CASP6: variants seen among roughly 807,000 people sequenced by gnomAD.
CASP6 encodes caspase 6, also known as caspase-6.
A neutral mutation model predicts 31.8 loss-of-function variants in CASP6; 20 were observed. The ratio of observed to expected loss-of-function variants is 0.63; its 90% CI spans 0.44 to 0.91. CASP6 has a LOEUF of 0.91. Ranked by LOEUF, CASP6 falls within the 40% of genes least tolerant of loss-of-function variation. The pLI is 0.00. For synonymous variants in CASP6, 130 were observed against 127.8 expected (o/e 1.02, Z -0.12); for missense variants, 328 against 361.1 (o/e 0.91, Z 0.74).
At chr4:109,696,339 T>C in intron 4 of CASP6, 71 bp downstream of exon 4, 2 of 1,100,592 alleles carry the variant, frequency 1.8e-6, no homozygotes, top group African/African-American at 3.1e-5. Context: ...CTTGTACCTG[T>C]CTTTACAGAT....
chr4:109,689,664 CCTTAGAAGAGT>C, intron 6 of CASP6, 96 bp from the exon 7 acceptor site: 1 of 1,147,800 alleles, frequency 8.7e-7, no homozygotes, highest in East Asian at 2.4e-5. Context: ...TCTTAAAAAT[CCTTAGAAGAGT>C]CTTAAGATGT....
upstream of CASP6, chr4:109,703,685 G>A (rs1322019059): frequency 8.0e-6 from 4 of 499,240 alleles, no homozygotes; most frequent in Non-Finnish European, 1.1e-5. Flanking sequence ...GTGCCCTGGG[G>A]ACATGCCAGT....
chr4:109,680,668 G>C, the CASP6 span, among the ~76,000 whole-genome samples: 28 of 152,136 alleles, frequency 1.8e-4, 1 homozygote, highest in East Asian at 1.2e-3. Flanking sequence ...ACTATGGAAG[G>C]GGGTAAAGAC....
the CASP6 span, among the ~76,000 whole-genome samples, chr4:109,664,868 T>C: frequency 2.0e-5 from 3 of 152,088 alleles, no homozygotes; most frequent in African/African-American, 7.2e-5. Flanking sequence ...TTAACCGACA[T>C]TATTGGGTTA....
rs1174971935 is a variant in CASP6, at chr4:109,696,980, G to GT, written c.231-495dup. On this transcript the variant is annotated intron_variant, in intron 3 of 6. Coordinates refer to ENST00000265164, the MANE Select transcript of CASP6 (RefSeq NM_001226.4). ...TTTTGTATTTTTTAGGAGAGACAGG[G>GT]TTTCACCATGTTAGCCAGGATGGTC... Among the ~76,000 whole-genome samples, 3 of 151,734 alleles carry GT rather than the reference G, an allele frequency of 2.0e-5. No individual in the cohort carries two copies. In the East Asian group the frequency reaches 5.8e-4, roughly 29 times the overall value.
At chr4:109,684,149 A>G (rs768268926), downstream of CASP6, among the ~76,000 whole-genome samples, 4 of 146,444 alleles carry the variant, frequency 2.7e-5, no homozygotes, top group Admixed American at 2.8e-4. Context: ...TGCAAGCTCC[A>G]CCTCCTGGGT....
At chr4:109,676,016 G>T in the CASP6 span, among the ~76,000 whole-genome samples, 2 of 152,186 alleles carry the variant, frequency 1.3e-5, no homozygotes, top group Admixed American at 1.3e-4. Context: ...CAGAAAATTG[G>T]TACCAGAAGT....
chr4:109,677,306 C>T, the CASP6 span, among the ~76,000 whole-genome samples: 1 of 152,110 alleles, frequency 6.6e-6, no homozygotes, highest in Non-Finnish European at 1.5e-5. Flanking sequence ...ATTTCAGACT[C>T]ACAGCTGGAG....
At chr4:109,686,283 C>T (rs1009517309), downstream of CASP6, among the ~76,000 whole-genome samples, 3 of 151,988 alleles carry the variant, frequency 2.0e-5, no homozygotes, top group African/African-American at 7.2e-5. Context: ...TGATTATAGG[C>T]GCCCGCCACC....
At chr4:109,680,272 A>G in the CASP6 span, among the ~76,000 whole-genome samples, 1 of 152,126 alleles carries the variant, frequency 6.6e-6, no homozygotes, top group East Asian at 1.9e-4. Context: ...TCTCTTCTGG[A>G]TAGGTACCAG....
chr4:109,681,840 C>T, the CASP6 span, among the ~76,000 whole-genome samples: 2 of 152,114 alleles, frequency 1.3e-5, no homozygotes, highest in East Asian at 1.9e-4. Flanking sequence ...AAGCTCAGCT[C>T]GAGCAGTAAC....
intron 5 of CASP6, among the ~76,000 whole-genome samples, chr4:109,692,883 T>C (rs184139316): frequency 1.5e-3 from 225 of 152,346 alleles, no homozygotes; most frequent in African/African-American, 5.2e-3. Flanking sequence ...TATGGTAGGA[T>C]GCGAAATGCA....
At chr4:109,680,107 G>T in the CASP6 span, among the ~76,000 whole-genome samples, 1 of 152,068 alleles carries the variant, frequency 6.6e-6, no homozygotes, top group African/African-American at 2.4e-5. Context: ...TGGCCTGAGG[G>T]TATAAATTTT....
chr4:109,702,651 A>G (rs1244183982), intron 1 of CASP6: 1 of 152,078 alleles, frequency 6.6e-6, no homozygotes, highest in African/African-American at 2.4e-5. Flanking sequence ...TGTTTGTTTC[A>G]CTCTGGCCAG....
intron 1 of CASP6, 97 bp downstream of exon 1, chr4:109,703,259 A>T: frequency 7.1e-7 from 1 of 1,402,828 alleles, no homozygotes; most frequent in Non-Finnish European, 9.8e-7. Flanking sequence ...CCGCGGCCCC[A>T]CTCCGGTCCG....
At chr4:109,696,171 C>A (rs557328896) in intron 4 of CASP6, among the ~76,000 whole-genome samples, 1 of 152,234 alleles carries the variant, frequency 6.6e-6, no homozygotes, top group South Asian at 2.1e-4. Context: ...TCATTCATTT[C>A]TACAAGAGAC....
chr4:109,703,625 G>T, upstream of CASP6: 1 of 578,350 alleles, frequency 1.7e-6, no homozygotes, highest in Non-Finnish European at 3.0e-6. Context: ...AAGAGCGCGG[G>T]GGCAGGGAGA....
downstream of CASP6, chr4:109,687,640 G>T: frequency 8.0e-7 from 1 of 1,248,528 alleles, no homozygotes; most frequent in South Asian, 1.3e-5. Context: ...TATTGATTTT[G>T]CAACTTAGGA....
the CASP6 span, among the ~76,000 whole-genome samples, chr4:109,680,973 A>C: frequency 2.9e-3 from 436 of 152,316 alleles, no homozygotes; most frequent in African/African-American, 9.9e-3. Flanking sequence ...AGGAGGTGGG[A>C]TGAGGGAAGT....
Sources: allele counts gnomAD v4.1 joint callset (sites outside exome capture counted in the v4.1 genomes callset), GRCh38; gene constraint gnomAD v4.1.1; transcripts MANE v1.5; gene names NCBI Gene and HGNC (gene_info 2026-07-23, HGNC 2026-07-21).